Variants in KIF9 observed in about 807,000 individuals in gnomAD.
The protein encoded by KIF9 is kinesin-like protein KIF9.
A neutral mutation model predicts 94.8 loss-of-function variants in KIF9; 68 were observed. The observed-to-expected ratio is 0.72, with a 90% CI of 0.59 to 0.88. KIF9 has a LOEUF of 0.88. KIF9 is among the 40% of genes least tolerant of loss of function. The probability of loss-of-function intolerance (pLI) is 0.00; values close to 1 mark genes in which losing one functional copy is unlikely to be tolerated. For missense variants in KIF9, 882 were observed against 982.5 expected, an observed-to-expected ratio of 0.90 and a Z score of 1.37; for synonymous variants, 343 against 362.1, an observed-to-expected ratio of 0.95 and a Z score of 0.60.
chr3:47,244,705 G>C, intron 15 of KIF9, 86 bp downstream of exon 15: 1 of 1,507,026 alleles, frequency 6.6e-7, no homozygotes. Flanking sequence ...GAGACACCAG[G>C]GGGAAAGTGG....
At chr3:47,248,221 G>A in intron 10 of KIF9, 135 bp from the exon 11 acceptor site, 1 of 704,352 alleles carries the variant, frequency 1.4e-6, no homozygotes, top group Admixed American at 2.3e-5. Context: ...CACAGGGTAT[G>A]CTTTCAGCTT....
intron 4 of KIF9, among the ~76,000 whole-genome samples, chr3:47,272,176 T>C (rs888053153): frequency 6.6e-6 from 1 of 151,950 alleles, no homozygotes; most frequent in African/African-American, 2.4e-5. Context: ...CTAGTAAGGG[T>C]AGAAGTAAAG....
At chr3:47,232,799 G>A (rs1277495495) in intron 20 of KIF9, among the ~76,000 whole-genome samples, 6 of 150,338 alleles carry the variant, frequency 4.0e-5, no homozygotes, top group African/African-American at 1.2e-4. Context: ...TAGCTAACAC[G>A]GTGAAACCCC....
At chr3:47,269,206 A>G (rs1165129977) in intron 5 of KIF9, among the ~76,000 whole-genome samples, 2 of 152,252 alleles carry the variant, frequency 1.3e-5, no homozygotes, top group African/African-American at 4.8e-5. Context: ...CCTGGGCAAC[A>G]CAGCGAGAAC....
intron 2 of KIF9, among the ~76,000 whole-genome samples, 158 bp from the exon 3 acceptor site, chr3:47,275,648 C>A (rs1226715832): frequency 2.0e-5 from 3 of 152,136 alleles, no homozygotes; most frequent in African/African-American, 4.8e-5. Flanking sequence ...CAGATGAATT[C>A]TTTGGGATGG....
intron 15 of KIF9, 195 bp from the exon 16 acceptor site, chr3:47,243,440 T>C: frequency 2.3e-6 from 1 of 440,920 alleles, no homozygotes; most frequent in Non-Finnish European, 4.0e-6. Context: ...AAGAGGGCAT[T>C]TTTCTCCCTT....
intron 10 of KIF9, among the ~76,000 whole-genome samples, chr3:47,256,510 G>A (rs932087293): frequency 2.8e-4 from 42 of 150,994 alleles, no homozygotes; most frequent in African/African-American, 5.4e-4. Context: ...CCCCGTCTGG[G>A]AGGGAGGTGG....
At chr3:47,281,185 T>G (rs940559465) in intron 1 of KIF9, 1 of 621,526 alleles carries the variant, frequency 1.6e-6, no homozygotes, top group Non-Finnish European at 2.9e-6. Context: ...TGGGTCTATC[T>G]TCAGTCACTA....
chr3:47,278,356 A>T lies in KIF9; in HGVS notation c.-5-977T>A, dbSNP rs1576098402. 1.3e-5 allele frequency among the ~76,000 whole-genome samples: 2 copies of T among 152,030 alleles called. 1 individual carries two copies. Among genetic ancestry groups the T allele is most frequent in the East Asian group, 3.9e-4 (2 of 5,186 alleles). On this transcript the variant is annotated intron_variant, in intron 1 of 20. Coordinates refer to ENST00000684063, the MANE Select transcript of KIF9 (RefSeq NM_182902.4). ...CTTCCAAAGTGCTGGGATTACAGGC[A>T]TACCCAGCCGATGTTCAATATTTTT...
rs976411375 is a variant in KIF9, at chr3:47,277,378, A to G, written c.-4T>C. The G allele has an allele frequency of 6.2e-7, 1 of 1,608,576 alleles. No homozygotes were observed. The highest frequency in any genetic ancestry group is 2.2e-5 in the East Asian group (1 of 44,784). ...GAACTTTTTTCCTAGTACCCATTCTAGCTAAAAAGAAGGGAACAATGAAAT... is the reference window on the plus strand; with the variant it reads ...GAACTTTTTTCCTAGTACCCATTCTGGCTAAAAAGAAGGGAACAATGAAAT... On this transcript the variant is annotated splice_region_variant and 5_prime_UTR_variant, in exon 2 of 21. The change abolishes the stop of an existing upstream ORF in the 5' untranslated region. Coordinates refer to ENST00000684063, the MANE Select transcript of KIF9 (RefSeq NM_182902.4).
chr3:47,244,903 C>A lies in KIF9; in HGVS notation c.1402G>T (p.Gly468Cys), dbSNP rs1699821892. ...IQKAGLVDVDGHLVGEPEGQN... is the reference protein window; with the variant it reads ...IQKAGLVDVDCHLVGEPEGQN... ...CCTTCAGGCTCACCCACTAGGTGGC[C>A]ATCAACATCCACAAGCCCCGCCTAC... Residue 468 changes from glycine (G) to cysteine (C), a missense_variant, in exon 15 of 21, where the codon GGC becomes TGC. Coordinates refer to ENST00000684063, the MANE Select transcript of KIF9 (RefSeq NM_182902.4). 2 of 1,613,984 alleles carry A rather than the reference C, an allele frequency of 1.2e-6. No homozygotes were observed. Among genetic ancestry groups the A allele is most frequent in the African/African-American group, 1.3e-5 (1 of 74,894 alleles).
At chr3:47,277,888 T>C (rs576524973) in intron 1 of KIF9, among the ~76,000 whole-genome samples, 2 of 152,030 alleles carry the variant, frequency 1.3e-5, no homozygotes, top group South Asian at 4.2e-4. Flanking sequence ...TGGTCCATAA[T>C]AAATATTCTT....
Position 47,248,052 on chromosome 3 carries a change from A to G in KIF9, c.1094T>C (p.Leu365Pro). The change falls in exon 11 of 21, where the codon CTA becomes CCA. Residue 365 changes from leucine (L) to proline (P), a missense_variant. Transcript: ENST00000684063. ...ATGGATAGCCAGCTCCTGCTTGAGT[A>G]GTGCTAGTTCCTTCTCCAGGTTCTT... ...MVKNLEKELA[L>P]LKQELAIHDS... The G allele has an allele frequency of 9.3e-6, 15 of 1,613,710 alleles. No individual in the cohort carries two copies. Among genetic ancestry groups the G allele is most frequent in the Non-Finnish European group, 1.2e-5 (14 of 1,179,816 alleles).
chr3:47,264,254 C>G (rs1434128245), intron 9 of KIF9, 32 bp downstream of exon 9: 1 of 1,568,702 alleles, frequency 6.4e-7, no homozygotes, highest in Non-Finnish European at 8.8e-7. Flanking sequence ...AAGGGGGATT[C>G]CAGCCTGGTT....
rs199771349 is a variant in KIF9 at position 47,236,612 on chromosome 3, G to T, written c.1932C>A (p.Tyr644Ter). 1.9e-6 allele frequency: 3 copies of T among 1,613,620 alleles called. No homozygotes were observed. Among genetic ancestry groups the T allele is most frequent in the Middle Eastern group, 1.8e-4 (1 of 5,678 alleles). ...CGATGATCATCAGCCCCTTGTTTTC[G>T]TACTTGCCTGCAAGGTGATGGAAGA... ...QKSLREKQGKYENKGLMIIDE... is the reference protein window; with the variant it reads ...QKSLREKQGK The change falls in exon 18 of 21, where the codon TAC becomes TAA. Residue 644 changes from tyrosine (Y) to a stop codon, truncating the protein, a stop_gained. Coordinates refer to ENST00000684063, the MANE Select transcript of KIF9 (RefSeq NM_182902.4). LOFTEE classifies it high-confidence loss of function.
chr3:47,263,023 C>T (rs546900589), intron 9 of KIF9, among the ~76,000 whole-genome samples: 8 of 152,206 alleles, frequency 5.3e-5, no homozygotes, highest in African/African-American at 1.4e-4. Context: ...CTCAGCCTCC[C>T]GAGTAGCTGG....
At chr3:47,240,512 G>C (rs1262981967) in intron 17 of KIF9, among the ~76,000 whole-genome samples, 1 of 152,152 alleles carries the variant, frequency 6.6e-6, no homozygotes, top group African/African-American at 2.4e-5. Flanking sequence ...AGGACAAAGG[G>C]CCTGTTTCAC....
intron 16 of KIF9, among the ~76,000 whole-genome samples, chr3:47,241,969 G>A (rs550635591): frequency 4.7e-5 from 7 of 147,548 alleles, no homozygotes; most frequent in East Asian, 2.0e-4. Context: ...CTGTAGCCTC[G>A]AGCTCCTGGG....
At chr3:47,247,157 A>G (rs1227549094) in intron 12 of KIF9, among the ~76,000 whole-genome samples, 3 of 152,184 alleles carry the variant, frequency 2.0e-5, no homozygotes, top group Admixed American at 2.0e-4. Flanking sequence ...GAGGCAGCTG[A>G]GCTGGGATTC....
Sources: allele counts gnomAD v4.1 joint callset (sites outside exome capture counted in the v4.1 genomes callset), GRCh38; gene constraint gnomAD v4.1.1; transcripts MANE v1.5; gene names NCBI Gene and HGNC (gene_info 2026-07-23, HGNC 2026-07-21).